Variants in CA12 observed in about 807,000 individuals in gnomAD.
The protein encoded by CA12 is carbonate dehydratase XII.
CA12 carries 36 observed loss-of-function variants against 46.8 expected under a neutral mutation model. The observed-to-expected ratio is 0.77, with a 90% CI of 0.59 to 1.02. CA12 has a LOEUF of 1.02. Ranked by LOEUF, CA12 falls within the 50% of genes least tolerant of loss-of-function variation. The pLI is 0.00. For synonymous variants in CA12, 202 were observed against 187.0 expected (o/e 1.08, Z -0.65); for missense variants, 436 against 451.4 (o/e 0.97, Z 0.31).
intron 2 of CA12, among the ~76,000 whole-genome samples, 190 bp from the exon 3 acceptor site, chr15:63,346,899 A>G (rs1315865610): frequency 6.6e-6 from 1 of 152,152 alleles, no homozygotes; most frequent in Non-Finnish European, 1.5e-5. Context: ...CCTGCTCTTA[A>G]GTGATGTGGG....
At chr15:63,358,959 C>T (rs1380943885) in intron 2 of CA12, among the ~76,000 whole-genome samples, 1 of 152,144 alleles carries the variant, frequency 6.6e-6, no homozygotes, top group African/African-American at 2.4e-5. Context: ...CCCTCTGTTT[C>T]TGGGGACACT....
At chr15:63,326,721 A>G (rs1438405277) in intron 10 of CA12, among the ~76,000 whole-genome samples, 1 of 152,200 alleles carries the variant, frequency 6.6e-6, no homozygotes, top group Admixed American at 6.5e-5. Flanking sequence ...ATGTCACAAT[A>G]AAAACATGGA....
chr15:63,322,689 G>C lies in CA12; in HGVS notation c.*3596C>G, dbSNP rs889452022. 2 of 152,268 alleles carry C rather than the reference G, an allele frequency of 1.3e-5. No individual in the cohort carries two copies. Among genetic ancestry groups the C allele is most frequent in the African/African-American group, 4.8e-5 (2 of 41,476 alleles). The allele number at this position is 152,268 out of a possible 1,614,324, so 9.4% of individuals were successfully genotyped here. ...GAGTGCTCTCCCCAGTGGGGTGGGA[G>C]CAAGTCCAAGGAGTGAGTGCTTCGT... On this transcript the variant is annotated 3_prime_UTR_variant, in exon 11 of 11. Transcript: ENST00000178638. The surrounding 1 kb of genome is among the most constrained non-coding windows in gnomAD (Gnocchi z 4.1).
At chr15:63,379,269 C>A (rs766615998) in intron 1 of CA12, among the ~76,000 whole-genome samples, 7 of 152,008 alleles carry the variant, frequency 4.6e-5, no homozygotes, top group Non-Finnish European at 7.4e-5. Flanking sequence ...TGGGGAGAAG[C>A]GGCGTTGTAA....
intron 2 of CA12, among the ~76,000 whole-genome samples, chr15:63,349,343 CA>C (rs1258522625): frequency 1.3e-5 from 2 of 152,158 alleles, no homozygotes; most frequent in African/African-American, 4.8e-5. Flanking sequence ...ACAAGGTGCC[CA>C]GGGGAACCAG....
At chr15:63,364,577 C>T (rs1355846861) in intron 2 of CA12, among the ~76,000 whole-genome samples, 2 of 152,120 alleles carry the variant, frequency 1.3e-5, no homozygotes, top group African/African-American at 4.8e-5. Flanking sequence ...GGGATGTGGG[C>T]GCTCCTCTTC....
chr15:63,361,454 T>C (rs970573165), intron 2 of CA12, among the ~76,000 whole-genome samples: 5 of 152,136 alleles, frequency 3.3e-5, no homozygotes, highest in Non-Finnish European at 7.4e-5. Flanking sequence ...CATTTTCAGC[T>C]GTCACAACTT....
intron 2 of CA12, among the ~76,000 whole-genome samples, chr15:63,351,035 T>A (rs1021786033): frequency 3.9e-5 from 6 of 152,226 alleles, no homozygotes; most frequent in Admixed American, 2.0e-4. Context: ...AGAATTCAAA[T>A]TTTTCCAAAT....
intron 2 of CA12, among the ~76,000 whole-genome samples, chr15:63,368,134 C>T (rs1221380181): frequency 2.0e-5 from 3 of 152,172 alleles, no homozygotes; most frequent in Non-Finnish European, 2.9e-5. Context: ...TCTCTGTATT[C>T]GTGGAATAGC....
At chr15:63,335,620 CACCCGGCCATCCTAGATGATTTTTTA>C (rs989174732) in intron 8 of CA12, among the ~76,000 whole-genome samples, 1 of 151,036 alleles carries the variant, frequency 6.6e-6, no homozygotes, top group Non-Finnish European at 1.5e-5. Flanking sequence ...TGAGCCACCA[CACCCGGCCATCCTAGATGATTTTTTA>C]AACATCACTT....
intron 1 of CA12, chr15:63,379,019 T>A (rs2039611340): frequency 6.6e-6 from 1 of 152,276 alleles, no homozygotes; most frequent in African/African-American, 2.4e-5. Flanking sequence ...GTTGGAGTTC[T>A]CATCCTCAGA....
rs113264382 is a variant in CA12 at position 63,328,339 on chromosome 15, T to TC, written c.875-210_875-209insG. On this transcript the variant is annotated intron_variant, in intron 8 of 10. Coordinates refer to ENST00000178638, the MANE Select transcript of CA12 (RefSeq NM_001218.5). This position sits in a 1 kb window ranked among gnomAD's most constrained non-coding sequence, Gnocchi z 5.9. The stretch of plus-strand genomic sequence containing the variant: ...CTGCAATCCCTCCTTCCGATGCTCC[T>TC]TTTTTTTTTTTTTTTGAGATGGAAT... 4.8e-3 allele frequency among the ~76,000 whole-genome samples: 417 copies of TC among 86,898 alleles called. 1 individual carries two copies. In the South Asian group the frequency reaches 0.09, roughly 19 times the overall value. The allele number at this position is 86,898 out of a possible 152,430, so 57.0% of individuals were successfully genotyped here.
At chr15:63,338,727 G>T in intron 8 of CA12, 92 bp downstream of exon 8, 1 of 1,553,196 alleles carries the variant, frequency 6.4e-7, no homozygotes. Context: ...AACTTCTTGA[G>T]GGCATCAGTG....
At position 63,378,536 on chromosome 15, in the gene CA12, C is replaced by A. The variant is rs2039606340; in HGVS notation, c.86-2858G>T. ...TCCCTTGAATTAGTAATTAGACATT[C>A]AGAACCACGGGGAAACCAAACTTGT... On this transcript the variant is annotated intron_variant, in intron 1 of 10. Transcript: ENST00000178638. The surrounding 1 kb of genome is among the most constrained non-coding windows in gnomAD (Gnocchi z 4.8). 6.6e-6 allele frequency among the ~76,000 whole-genome samples: 1 copy of A among 152,174 alleles called. No individual in the cohort carries two copies. The highest frequency in any genetic ancestry group is 2.1e-4 in the South Asian group (1 of 4,822).
intron 4 of CA12, among the ~76,000 whole-genome samples, chr15:63,344,816 T>C (rs746408332): frequency 6.6e-6 from 1 of 152,116 alleles, no homozygotes; most frequent in Non-Finnish European, 1.5e-5. Context: ...ATCCTGCAAT[T>C]GCATAGGACA....
rs773024478 is a variant in CA12, at chr15:63,340,089, A to G, written c.747+199T>C. On this transcript the variant is annotated intron_variant, in intron 7 of 10. Transcript: ENST00000178638. The surrounding 1 kb of genome is among the most constrained non-coding windows in gnomAD (Gnocchi z 4.4). ...TTTAAAAAAGAACTAGGAGACATCT[A>G]TTCATTTGCCTAGCTTGACTTCTTT... is the stretch of plus-strand genomic sequence containing the variant. 3.4e-5 allele frequency: 22 copies of G among 652,398 alleles called. No homozygotes were observed. Among genetic ancestry groups the G allele is most frequent in the African/African-American group, 7.3e-5 (4 of 55,070 alleles). The allele number at this position is 652,398 out of a possible 1,614,324, so 40.4% of individuals were successfully genotyped here.
intron 2 of CA12, among the ~76,000 whole-genome samples, chr15:63,368,291 G>C (rs530616427): frequency 1.9e-4 from 29 of 152,284 alleles, no homozygotes; most frequent in African/African-American, 7.0e-4. Flanking sequence ...TCTTGGCCTG[G>C]TGGTGTGGCC....
At position 63,340,239 on chromosome 15, in the gene CA12, G is replaced by C. The variant is rs1328091621; in HGVS notation, c.747+49C>G. 1.9e-6 allele frequency: 3 copies of C among 1,601,466 alleles called. No homozygotes were observed. Among genetic ancestry groups the C allele is most frequent in the Non-Finnish European group, 2.6e-6 (3 of 1,168,880 alleles). On this transcript the variant is annotated intron_variant, in intron 7 of 10. Coordinates refer to ENST00000178638, the MANE Select transcript of CA12 (RefSeq NM_001218.5). The surrounding 1 kb of genome is among the most constrained non-coding windows in gnomAD (Gnocchi z 4.4). ...ATTGATTGTGATATGGAGGATGATG[G>C]GGACTGAGGTGCCGCGTGGACTCTG...
At chr15:63,361,693 C>G (rs866416883) in intron 2 of CA12, among the ~76,000 whole-genome samples, 4 of 152,244 alleles carry the variant, frequency 2.6e-5, no homozygotes, top group Middle Eastern at 3.4e-3. Flanking sequence ...GTTGGCTGCT[C>G]TCCCTGTCAG....
Sources: allele counts gnomAD v4.1 joint callset (sites outside exome capture counted in the v4.1 genomes callset), GRCh38; gene constraint gnomAD v4.1.1; non-coding constraint Gnocchi (gnomAD v3.1); transcripts MANE v1.5; gene names NCBI Gene and HGNC (gene_info 2026-07-23, HGNC 2026-07-21).